Variants in SLIT3 observed in about 807,000 individuals in gnomAD.
SLIT3 encodes the protein slit homolog 3 protein.
In SLIT3, 68 loss-of-function variants were observed where a neutral mutation model predicts 184.0. The observed-to-expected ratio is 0.37, with a 90% CI of 0.30 to 0.45. The LOEUF is 0.45. Ranked by LOEUF, SLIT3 falls within the 20% of genes least tolerant of loss-of-function variation. The pLI, the probability that SLIT3 is intolerant of heterozygous loss-of-function variation, is 1.00. For missense variants in SLIT3, 1,707 were observed against 2,026.0 expected (o/e 0.84, Z 3.02); for synonymous variants, 831 against 828.6 (o/e 1.00, Z -0.05).
At chr5:168,973,497 T>C (rs1224937684) in intron 4 of SLIT3, among the ~76,000 whole-genome samples, 1 of 152,228 alleles carries the variant, frequency 6.6e-6, no homozygotes, top group Admixed American at 6.5e-5. Context: ...TTCACCTGCC[T>C]CAGCCTCCAA....
At chr5:169,143,291 G>T (rs955190143) in intron 4 of SLIT3, among the ~76,000 whole-genome samples, 1 of 152,182 alleles carries the variant, frequency 6.6e-6, no homozygotes, top group African/African-American at 2.4e-5. Flanking sequence ...TCCATGGAAT[G>T]TCATTTAATC....
At chr5:168,815,288 G>A (rs1757302543) in intron 8 of SLIT3, among the ~76,000 whole-genome samples, 1 of 152,194 alleles carries the variant, frequency 6.6e-6, no homozygotes, top group South Asian at 2.1e-4. Flanking sequence ...TTCTCCCCTG[G>A]TTTTGGATCC....
At position 168,826,353 on chromosome 5, in the gene SLIT3, C is replaced by T. The variant is rs1757704223; in HGVS notation, c.558-3022G>A. ...TCTCAGACGCTGATTGCTACGACAGCTACAGTTTTCGTTTCCCTAATAAAC... is the reference window on the plus strand; with the variant it reads ...TCTCAGACGCTGATTGCTACGACAGTTACAGTTTTCGTTTCCCTAATAAAC... On this transcript the variant is annotated intron_variant, in intron 6 of 35. Coordinates refer to ENST00000519560, the MANE Select transcript of SLIT3 (RefSeq NM_003062.4). 2.6e-5 allele frequency among the ~76,000 whole-genome samples: 4 copies of T among 152,198 alleles called. No individual in the cohort carries two copies. The South Asian group carries it at 8.3e-4, about 32-fold the overall frequency.
At chr5:169,124,791 T>G (rs1464578801) in intron 4 of SLIT3, among the ~76,000 whole-genome samples, 2 of 152,138 alleles carry the variant, frequency 1.3e-5, no homozygotes, top group African/African-American at 4.8e-5. Flanking sequence ...TGAATACATA[T>G]GGAGAATACC....
chr5:169,069,197 G>A (rs972683141), intron 4 of SLIT3, among the ~76,000 whole-genome samples: 1 of 152,152 alleles, frequency 6.6e-6, no homozygotes, highest in Non-Finnish European at 1.5e-5. Flanking sequence ...ATATTAAGGG[G>A]GCACACAACT....
At chr5:168,686,348 A>T (rs771014742) in intron 30 of SLIT3, among the ~76,000 whole-genome samples, 26 of 152,334 alleles carry the variant, frequency 1.7e-4, no homozygotes, top group Admixed American at 4.6e-4. Context: ...CCATGGAAAG[A>T]TGAATGGATA....
At chr5:168,671,541 C>G in intron 33 of SLIT3, 58 bp from the exon 34 acceptor site, 1 of 1,538,412 alleles carries the variant, frequency 6.5e-7, no homozygotes, top group Admixed American at 2.0e-5. Context: ...CCCTGCTGTC[C>G]TCAGAGCGAA....
chr5:169,228,783 A>G (rs955647706), intron 3 of SLIT3, among the ~76,000 whole-genome samples: 3 of 152,178 alleles, frequency 2.0e-5, no homozygotes, highest in Admixed American at 6.5e-5. Flanking sequence ...ATTCTCATTT[A>G]TATTATGTGA....
intron 3 of SLIT3, among the ~76,000 whole-genome samples, chr5:169,197,515 G>T (rs62376885): frequency 2.0e-5 from 3 of 152,046 alleles, no homozygotes; most frequent in East Asian, 3.9e-4. Flanking sequence ...CTGATAAACA[G>T]GTAAGTGCCG....
intron 5 of SLIT3, among the ~76,000 whole-genome samples, chr5:168,876,819 G>T (rs367793115): frequency 6.6e-6 from 1 of 151,974 alleles, no homozygotes; most frequent in Non-Finnish European, 1.5e-5. Context: ...TGAGTTCTTC[G>T]GATACAAGAA....
At chr5:169,253,016 G>C (rs897807909) in intron 1 of SLIT3, among the ~76,000 whole-genome samples, 2 of 151,872 alleles carry the variant, frequency 1.3e-5, no homozygotes, top group Middle Eastern at 3.2e-3. Flanking sequence ...AGTTGTTTCT[G>C]AACTAGCTTG....
intron 4 of SLIT3, among the ~76,000 whole-genome samples, chr5:169,138,372 C>T (rs779534515): frequency 9.2e-5 from 14 of 152,182 alleles, no homozygotes; most frequent in Non-Finnish European, 1.9e-4. Context: ...CATGGGTCCT[C>T]CTGTGGTGTC....
intron 23 of SLIT3, among the ~76,000 whole-genome samples, chr5:168,717,499 T>C (rs1762777273): frequency 6.6e-6 from 1 of 152,132 alleles, no homozygotes; most frequent in Admixed American, 6.5e-5. Flanking sequence ...TTATTTCCCC[T>C]TCTAGACCAA....
chr5:168,941,622 C>T (rs1354515088), intron 4 of SLIT3, among the ~76,000 whole-genome samples: 2 of 152,174 alleles, frequency 1.3e-5, no homozygotes, highest in African/African-American at 2.4e-5. Flanking sequence ...GAAATCCAGT[C>T]TCTGACTTGC....
In SLIT3 at chr5:168,834,463, G is replaced by A. The variant is rs569279792; in HGVS notation, c.557+10121C>T. ...TCCCAGCACTTTGGGAGGCAGAGGC[G>A]GGCGGATCACTCGAGGTCAGGAGTT... On this transcript the variant is annotated intron_variant, in intron 6 of 35. Coordinates refer to ENST00000519560, the MANE Select transcript of SLIT3 (RefSeq NM_003062.4). 3.3e-5 allele frequency among the ~76,000 whole-genome samples: 5 copies of A among 151,970 alleles called. No individual in the cohort carries two copies. The East Asian group carries it at 5.8e-4, about 18-fold the overall frequency.
chr5:168,847,526 G>A (rs1241050886), intron 5 of SLIT3, among the ~76,000 whole-genome samples: 3 of 152,134 alleles, frequency 2.0e-5, no homozygotes, highest in East Asian at 1.9e-4. Context: ...CAGCGTATTC[G>A]TAAAAAGCCC....
rs539768229 is a variant in SLIT3 at position 169,057,599 on chromosome 5, T to A, written c.413+135880A>T. ...AAGCAGGCGTGCGAGGACCTCTCAG[T>A]AGAAGCAGAGAAAGGGATATGCTGG... is the stretch of plus-strand genomic sequence containing the variant. On this transcript the variant is annotated intron_variant, in intron 4 of 35. Coordinates refer to ENST00000519560, the MANE Select transcript of SLIT3 (RefSeq NM_003062.4). Among the ~76,000 whole-genome samples, 3 of 152,214 alleles carry A rather than the reference T, an allele frequency of 2.0e-5. 1 individual carries two copies. In the South Asian group the frequency reaches 6.2e-4, roughly 32 times the overall value.
chr5:168,889,941 G>A (rs1007161391), intron 4 of SLIT3, among the ~76,000 whole-genome samples: 10 of 151,924 alleles, frequency 6.6e-5, no homozygotes, highest in African/African-American at 2.2e-4. Context: ...TCAGGATTTC[G>A]AGACCAGCCT....
chr5:168,829,979 T>C (rs1757827318), intron 6 of SLIT3, among the ~76,000 whole-genome samples: 1 of 152,128 alleles, frequency 6.6e-6, no homozygotes, highest in African/African-American at 2.4e-5. Flanking sequence ...CCTCTCTGGC[T>C]CACAGGTCAA....
Sources: allele counts gnomAD v4.1 joint callset (sites outside exome capture counted in the v4.1 genomes callset), GRCh38; gene constraint gnomAD v4.1.1; transcripts MANE v1.5; gene names NCBI Gene and HGNC (gene_info 2026-07-23, HGNC 2026-07-21).